DCTN6: variants seen among roughly 807,000 people sequenced by gnomAD.
DCTN6 encodes the protein dynactin subunit 6.
DCTN6 carries 15 observed loss-of-function variants against 25.8 expected under a neutral mutation model. The ratio of observed to expected loss-of-function variants is 0.58; its 90% CI spans 0.39 to 0.89. The LOEUF is 0.89. Among genes scored for constraint, DCTN6 ranks in the 40% least tolerant of loss-of-function variants. DCTN6 has a pLI of 0.00. For missense variants in DCTN6, 198 were observed against 237.6 expected (o/e 0.83, Z 1.09); for synonymous variants, 64 against 78.3 (o/e 0.82, Z 0.96).
chr8:30,156,372 T>TG lies in DCTN6; in HGVS notation c.-8dup. 6.2e-7 allele frequency: 1 copy of TG among 1,605,154 alleles called. No homozygotes were observed. The highest frequency in any genetic ancestry group is 8.5e-7 in the Non-Finnish European group (1 of 1,175,864). ...CGGTGGTGTCGATCTACGTTCCAAT[T>TG]GGGGCCGTACCATGGCGGAGAAGAC... On this transcript the variant is annotated 5_prime_UTR_variant, in exon 1 of 7. Coordinates refer to ENST00000221114, the MANE Select transcript of DCTN6 (RefSeq NM_006571.4).
chr8:30,160,606 A>G (rs1803582343), intron 1 of DCTN6, among the ~76,000 whole-genome samples: 1 of 152,212 alleles, frequency 6.6e-6, no homozygotes, highest in South Asian at 2.1e-4. Context: ...CATGGATCCA[A>G]CCAACCTCAG....
At chr8:30,173,570 A>C (rs1283088055) in intron 2 of DCTN6, among the ~76,000 whole-genome samples, 2 of 152,008 alleles carry the variant, frequency 1.3e-5, no homozygotes, top group Non-Finnish European at 2.9e-5. Context: ...GTGAGACCCC[A>C]TCTCTAAAAA....
intron 6 of DCTN6, 70 bp from the exon 7 acceptor site, chr8:30,183,005 C>T (rs567089003): frequency 2.4e-5 from 32 of 1,319,350 alleles, no homozygotes; most frequent in South Asian, 1.4e-4. Flanking sequence ...TGACCCACCA[C>T]GCCTGGTTGC....
intron 1 of DCTN6, among the ~76,000 whole-genome samples, chr8:30,159,572 A>T (rs16876593): frequency 6.6e-6 from 1 of 152,110 alleles, no homozygotes; most frequent in Non-Finnish European, 1.5e-5. Flanking sequence ...TCAGTCGCTT[A>T]TTGGATATAT....
chr8:30,173,932 G>A lies in DCTN6; in HGVS notation c.89-1153G>A, dbSNP rs991674228. On this transcript the variant is annotated intron_variant, in intron 2 of 6. Coordinates refer to ENST00000221114, the MANE Select transcript of DCTN6 (RefSeq NM_006571.4). ...TGGATATTGGAGAGAGCCTAAAGGA[G>A]GCTATGTTTTCTCATCAGTGGTTTC... Among the ~76,000 whole-genome samples, 3 of 152,074 alleles carry A rather than the reference G, an allele frequency of 2.0e-5. 1 individual carries two copies. Among genetic ancestry groups the A allele is most frequent in the East Asian group, 3.8e-4 (2 of 5,198 alleles).
intron 2 of DCTN6, among the ~76,000 whole-genome samples, chr8:30,171,827 C>T (rs1803767713): frequency 6.6e-6 from 1 of 152,310 alleles, no homozygotes; most frequent in African/African-American, 2.4e-5. Context: ...CCCACAATCC[C>T]TCTTTCAAAC....
chr8:30,164,636 A>C (rs567496781), intron 2 of DCTN6, among the ~76,000 whole-genome samples: 2 of 152,310 alleles, frequency 1.3e-5, no homozygotes, highest in South Asian at 4.1e-4. Context: ...TCCCATCTAT[A>C]TAATTGTGTG....
At chr8:30,172,496 G>A (rs1357749458) in intron 2 of DCTN6, among the ~76,000 whole-genome samples, 1 of 151,716 alleles carries the variant, frequency 6.6e-6, no homozygotes, top group Non-Finnish European at 1.5e-5. Flanking sequence ...TGTCACCCAG[G>A]CTGGGGTGCA....
chr8:30,173,554 A>C (rs1333392601), intron 2 of DCTN6, among the ~76,000 whole-genome samples: 1 of 151,848 alleles, frequency 6.6e-6, no homozygotes, highest in Non-Finnish European at 1.5e-5. Flanking sequence ...AAGCCTGGGC[A>C]ACATAGTGAG....
Position 30,175,161 on chromosome 8 carries a change from A to G in DCTN6, c.165A>G (p.Leu55=). The change falls in exon 3 of 7, where the codon CTA becomes CTG. Residue 55 remains leucine (L), a synonymous_variant. Coordinates refer to ENST00000221114, the MANE Select transcript of DCTN6 (RefSeq NM_006571.4). ...AGPIVIGEGN[L]IEEQALIINA... ...CAATAGTGATTGGCGAAGGGAACCT[A>G]ATAGAAGAACAGGCCCTTATCATAA... 5 of 1,614,146 alleles carry G rather than the reference A, an allele frequency of 3.1e-6. No individual in the cohort carries two copies. Among genetic ancestry groups the G allele is most frequent in the South Asian group, 1.1e-5 (1 of 91,074 alleles).
At chr8:30,178,456 C>T (rs954835639) in intron 4 of DCTN6, among the ~76,000 whole-genome samples, 6 of 142,856 alleles carry the variant, frequency 4.2e-5, no homozygotes, top group South Asian at 2.2e-4. Context: ...AGCGAAACTC[C>T]GTCTCAAAAA....
In DCTN6 at chr8:30,183,133, A is replaced by G; in HGVS notation, c.533A>G (p.Lys178Arg). 1 of 1,614,132 alleles carries G rather than the reference A, an allele frequency of 6.2e-7. No individual in the cohort carries two copies. The highest frequency in any genetic ancestry group is 8.5e-7 in the Non-Finnish European group (1 of 1,179,994). Reference protein sequence around the residue: ...MKILPNYHHLKKTMKGSSTPV... With the variant: ...MKILPNYHHLRKTMKGSSTPV... Reference sequence around the variant, plus strand: ...ATCTTGCCAAATTACCACCACCTAAAGAAGACTATGAAAGGAAGCTCAACT... The same window carrying G: ...ATCTTGCCAAATTACCACCACCTAAGGAAGACTATGAAAGGAAGCTCAACT... Residue 178 changes from lysine to arginine, a missense_variant, in exon 7 of 7, where the codon AAG (lysine) becomes AGG (arginine). Lys to Arg is a conservative substitution (Grantham distance 26, BLOSUM62 2). Coordinates refer to ENST00000221114, the MANE Select transcript of DCTN6 (RefSeq NM_006571.4).
intron 1 of DCTN6, among the ~76,000 whole-genome samples, chr8:30,160,906 G>A (rs1803586016): frequency 1.3e-5 from 2 of 152,252 alleles, no homozygotes; most frequent in South Asian, 4.1e-4. Flanking sequence ...CTTCAACGTT[G>A]CCTAGAAACC....
At chr8:30,175,358 C>G (rs1803816849) in intron 3 of DCTN6, among the ~76,000 whole-genome samples, 168 bp downstream of exon 3, 1 of 152,058 alleles carries the variant, frequency 6.6e-6, no homozygotes, top group Non-Finnish European at 1.5e-5. Context: ...AACCAAATAC[C>G]ATATGAGGGA....
chr8:30,182,549 T>C (rs1040337505), intron 6 of DCTN6, among the ~76,000 whole-genome samples: 4 of 151,988 alleles, frequency 2.6e-5, no homozygotes, highest in African/African-American at 9.6e-5. Context: ...TATAAATATA[T>C]AAAATCTGTT....
At chr8:30,157,116 C>T (rs868330065) in intron 1 of DCTN6, among the ~76,000 whole-genome samples, 1 of 152,264 alleles carries the variant, frequency 6.6e-6, no homozygotes, top group Middle Eastern at 3.4e-3. Flanking sequence ...CTTTTAGAGT[C>T]CCCAGTGTCT....
chr8:30,175,248 T>C, intron 3 of DCTN6, 58 bp downstream of exon 3: 1 of 1,483,208 alleles, frequency 6.7e-7, no homozygotes, highest in African/African-American at 1.4e-5. Context: ...TTTCTTAATT[T>C]CAGCTGTCTG....
intron 2 of DCTN6, among the ~76,000 whole-genome samples, chr8:30,168,023 C>T (rs1336112337): frequency 6.6e-6 from 1 of 152,112 alleles, no homozygotes; most frequent in East Asian, 1.9e-4. Context: ...AAATCTCTAG[C>T]GATTTAAAGT....
rs531413446 is a variant in DCTN6, at chr8:30,180,718, A to AT, written c.474+91dup. On this transcript the variant is annotated intron_variant, in intron 6 of 6. Coordinates refer to ENST00000221114, the MANE Select transcript of DCTN6 (RefSeq NM_006571.4). ...GTCTTCATGAGGCAGCAGGTACACT[A>AT]TTTAAGAACATAATTAAAATAAAAC... 169 of 1,416,782 alleles carry AT rather than the reference A, an allele frequency of 1.2e-4. 1 individual carries two copies. In the South Asian group the frequency reaches 2.1e-3, roughly 18 times the overall value. 87.8% of individuals were successfully genotyped at this position (1,416,782 alleles called of 1,614,324 possible).
Sources: gnomAD v4.1 joint callset for allele counts (sites outside exome capture counted in the v4.1 genomes callset) on GRCh38, gnomAD v4.1.1 for gene constraint, MANE v1.5 for transcripts, NCBI Gene and HGNC (gene_info 2026-07-23, HGNC 2026-07-21) for gene names.